The following ERP27 variants were observed in gnomAD, a reference collection of about 807,000 sequenced individuals.
ERP27 encodes the protein endoplasmic reticulum resident protein 27.
Under a neutral mutation model 27.7 loss-of-function variants are expected in ERP27, and 23 were observed. The ratio of observed to expected loss-of-function variants is 0.83; its 90% CI spans 0.60 to 1.18. The LOEUF (loss-of-function observed/expected upper bound fraction) is 1.18, where lower values mean the gene tolerates loss of function less well. ERP27 is among the 50% of genes most tolerant of loss of function. ERP27 has a pLI of 0.00. For missense variants in ERP27, 363 were observed against 327.9 expected, an observed-to-expected ratio of 1.11 and a Z score of -0.83; for synonymous variants, 159 against 118.3, an observed-to-expected ratio of 1.34 and a Z score of -2.23.
Position 14,914,573 on chromosome 12 carries a change from T to TGTGTGC in ERP27, c.*156_*161dup, listed in dbSNP as rs1863375677. ...AAATGAAGCTCTGTGTGTGTGTGTG[T>TGTGTGC]GTGTGCGTGTGTGTGTGCACGCGTG... On this transcript the variant is annotated 3_prime_UTR_variant, in exon 7 of 7. Transcript: ENST00000266397. 1 of 559,096 alleles carries TGTGTGC rather than the reference T, an allele frequency of 1.8e-6. No individual in the cohort carries two copies. Among genetic ancestry groups the TGTGTGC allele is most frequent in the Non-Finnish European group, 3.1e-6 (1 of 322,058 alleles). 34.6% of individuals were successfully genotyped at this position (559,096 alleles called of 1,614,324 possible).
intron 2 of ERP27, chr12:14,935,260 AG>A (rs564792866): frequency 9.9e-4 from 581 of 589,038 alleles, no homozygotes; most frequent in South Asian, 2.7e-3. Context: ...GAAGTTTACT[AG>A]GGGCTGAGAG....
intron 4 of ERP27, among the ~76,000 whole-genome samples, chr12:14,918,591 C>T (rs1441735565): frequency 6.6e-6 from 1 of 152,094 alleles, no homozygotes; most frequent in Admixed American, 6.5e-5. Context: ...GAAAGCATTG[C>T]TACAAAACTA....
intron 3 of ERP27, among the ~76,000 whole-genome samples, chr12:14,933,533 G>A (rs1374705098): frequency 1.3e-5 from 2 of 152,034 alleles, no homozygotes; most frequent in East Asian, 3.8e-4. Flanking sequence ...GAGAAAGACA[G>A]TACAAAATAC....
At chr12:14,922,196 TAACTAGTAGA>T (rs1863514931) in intron 3 of ERP27, among the ~76,000 whole-genome samples, 1 of 152,200 alleles carries the variant, frequency 6.6e-6, no homozygotes, top group Admixed American at 6.5e-5. Context: ...TGTATATAGT[TAACTAGTAGA>T]AAATGCCAAG....
chr12:14,927,311 TTG>T (rs1387598901), intron 3 of ERP27, among the ~76,000 whole-genome samples: 1 of 151,680 alleles, frequency 6.6e-6, no homozygotes, highest in Non-Finnish European at 1.5e-5. Context: ...GTGTGTATAT[TTG>T]TGTGTGTGTG....
Position 14,915,473 on chromosome 12 carries a change from G to A in ERP27, c.774+16C>T. 1 of 1,607,718 alleles carries A rather than the reference G, an allele frequency of 6.2e-7. No homozygotes were observed. The highest frequency in any genetic ancestry group is 8.5e-7 in the Non-Finnish European group (1 of 1,175,168). The stretch of plus-strand genomic sequence containing the variant: ...AGAAAGAAAACAATTTGCTTTACCT[G>A]CAGTCTCACACTTACCAACAATTTT... On this transcript the variant is annotated intron_variant, in intron 6 of 6. Transcript: ENST00000266397.
At chr12:14,926,680 C>G (rs1460626015) in intron 3 of ERP27, among the ~76,000 whole-genome samples, 1 of 152,080 alleles carries the variant, frequency 6.6e-6, no homozygotes, top group East Asian at 1.9e-4. Flanking sequence ...GCAATTTCAG[C>G]TTCTTCTTGG....
chr12:14,923,072 TCAAA>T (rs1863533556), intron 3 of ERP27, among the ~76,000 whole-genome samples: 1 of 74,858 alleles, frequency 1.3e-5, no homozygotes, highest in African/African-American at 6.8e-5. Context: ...GAACTCTGTC[TCAAA>T]AAAAAAAAAA....
intron 4 of ERP27, among the ~76,000 whole-genome samples, chr12:14,918,346 C>G (rs1863446669): frequency 6.6e-6 from 1 of 152,178 alleles, no homozygotes; most frequent in Non-Finnish European, 1.5e-5. Context: ...CAAAGGTCAG[C>G]AGAAGGTGAG....
At chr12:14,938,147 G>A in intron 1 of ERP27, 95 bp from the exon 2 acceptor site, 1 of 989,544 alleles carries the variant, frequency 1.0e-6, no homozygotes, top group African/African-American at 1.6e-5. Context: ...TATACTAAGG[G>A]CAAGAAGAGC....
At chr12:14,931,711 AGAG>A (rs1184379099) in intron 3 of ERP27, among the ~76,000 whole-genome samples, 2 of 152,162 alleles carry the variant, frequency 1.3e-5, no homozygotes, top group African/African-American at 4.8e-5. Context: ...TGCTCCTGTT[AGAG>A]GATGTTAAAC....
intron 4 of ERP27, among the ~76,000 whole-genome samples, chr12:14,918,898 T>C (rs1363276957): frequency 6.6e-6 from 1 of 152,218 alleles, no homozygotes; most frequent in Non-Finnish European, 1.5e-5. Context: ...ATTTAGAGCA[T>C]TCATTCACTA....
intron 2 of ERP27, among the ~76,000 whole-genome samples, chr12:14,936,584 T>C (rs907744957): frequency 6.6e-6 from 1 of 152,142 alleles, no homozygotes. Context: ...TAAAATCTCA[T>C]CTTTAAATGT....
At chr12:14,934,421 C>T (rs181603084) in intron 3 of ERP27, among the ~76,000 whole-genome samples, 4 of 152,092 alleles carry the variant, frequency 2.6e-5, no homozygotes, top group African/African-American at 4.8e-5. Context: ...TTTTTATTAT[C>T]GGTATCTTGC....
At position 14,914,411 on chromosome 12, in the gene ERP27, G is replaced by A. The variant is rs913901761; in HGVS notation, c.*324C>T. 3.3e-6 allele frequency: 1 copy of A among 298,694 alleles called. No homozygotes were observed. Among genetic ancestry groups the A allele is most frequent in the Non-Finnish European group, 6.2e-6 (1 of 161,636 alleles). 18.5% of individuals were successfully genotyped at this position (298,694 alleles called of 1,614,324 possible). On this transcript the variant is annotated 3_prime_UTR_variant, in exon 7 of 7. Coordinates refer to ENST00000266397, the MANE Select transcript of ERP27 (RefSeq NM_152321.4). ...CTCTTTCATAGAGGCATCACAGTGA[G>A]TCTCTTAAAGCCTTGATCTAGGTGT...
intron 3 of ERP27, among the ~76,000 whole-genome samples, chr12:14,924,652 T>C (rs1168449510): frequency 6.6e-6 from 1 of 152,208 alleles, no homozygotes; most frequent in Non-Finnish European, 1.5e-5. Flanking sequence ...ACTTGACCTA[T>C]GTGCTCCTTT....
chr12:14,926,584 T>C (rs976157938), intron 3 of ERP27, among the ~76,000 whole-genome samples: 1 of 152,224 alleles, frequency 6.6e-6, no homozygotes, highest in Non-Finnish European at 1.5e-5. Context: ...AGAAGTTACA[T>C]AGGCTTTAAT....
At chr12:14,937,546 C>A (rs1418926972) in intron 2 of ERP27, among the ~76,000 whole-genome samples, 1 of 152,170 alleles carries the variant, frequency 6.6e-6, no homozygotes, top group East Asian at 1.9e-4. Context: ...TGTTTGGCAT[C>A]CTGTAAACAG....
At chr12:14,926,862 CTTTA>C (rs1592276391) in intron 3 of ERP27, among the ~76,000 whole-genome samples, 1 of 152,134 alleles carries the variant, frequency 6.6e-6, no homozygotes, top group African/African-American at 2.4e-5. Context: ...TTTAGCTTCT[CTTTA>C]TTTATTCCTG....
Sources: allele counts gnomAD v4.1 joint callset (sites outside exome capture counted in the v4.1 genomes callset), GRCh38; gene constraint gnomAD v4.1.1; transcripts MANE v1.5; gene names NCBI Gene and HGNC (gene_info 2026-07-23, HGNC 2026-07-21).